PCSK2: variants seen among roughly 807,000 people sequenced by gnomAD.
PCSK2 encodes the protein proprotein convertase subtilisin/kexin type 2, also known as neuroendocrine convertase 2.
In PCSK2, 14 loss-of-function variants were observed where a neutral mutation model predicts 69.7. The observed-to-expected ratio is 0.20, with a 90% CI of 0.13 to 0.31. PCSK2 has a LOEUF of 0.31. PCSK2 is among the 10% of genes least tolerant of loss of function. PCSK2 has a pLI of 1.00. For missense variants in PCSK2, 544 were observed against 842.5 expected, an observed-to-expected ratio of 0.65 and a Z score of 4.39; for synonymous variants, 307 against 320.7, an observed-to-expected ratio of 0.96 and a Z score of 0.46.
chr20:17,285,549 A>T (rs1371578352), intron 2 of PCSK2, among the ~76,000 whole-genome samples: 2 of 152,182 alleles, frequency 1.3e-5, no homozygotes, highest in African/African-American at 4.8e-5. Context: ...CAAAACAACA[A>T]CCTCCTATAA....
At chr20:17,343,154 A>G (rs1014977761) in intron 2 of PCSK2, among the ~76,000 whole-genome samples, 4 of 152,208 alleles carry the variant, frequency 2.6e-5, no homozygotes, top group African/African-American at 9.6e-5. Flanking sequence ...CACTCTCTGT[A>G]TTGCATGAGA....
chr20:17,442,762 A>G (rs1027310396), intron 8 of PCSK2, among the ~76,000 whole-genome samples: 6 of 152,320 alleles, frequency 3.9e-5, no homozygotes, highest in African/African-American at 1.4e-4. Flanking sequence ...ATTGACGAAC[A>G]CTAAAAATAA....
intron 2 of PCSK2, among the ~76,000 whole-genome samples, chr20:17,291,098 A>G (rs914988427): frequency 4.6e-5 from 7 of 151,994 alleles, no homozygotes; most frequent in African/African-American, 7.3e-5. Flanking sequence ...TAGCAATAAT[A>G]TATTCACCTG....
rs148389755 is a variant in PCSK2, at chr20:17,472,359, G to A, written c.1430+6806G>A. On this transcript the variant is annotated intron_variant, in intron 11 of 11. Coordinates refer to ENST00000262545, the MANE Select transcript of PCSK2 (RefSeq NM_002594.5). ...TCGGCCCTGTGCCACCTGGGGGACT[G>A]TGGACCAGCACTCCCGAGCTGCAGA... 1.2e-3 allele frequency among the ~76,000 whole-genome samples: 176 copies of A among 152,344 alleles called. 1 individual carries two copies. Among genetic ancestry groups the A allele is most frequent in the African/African-American group, 4.1e-3 (169 of 41,578 alleles).
At chr20:17,363,195 A>C (rs1171239164) in intron 4 of PCSK2, among the ~76,000 whole-genome samples, 1 of 152,184 alleles carries the variant, frequency 6.6e-6, no homozygotes, top group African/African-American at 2.4e-5. Context: ...CAGAAGTTTA[A>C]ATTTGTGGAC....
chr20:17,349,030 C>T (rs1011370982), intron 2 of PCSK2, among the ~76,000 whole-genome samples: 4 of 152,124 alleles, frequency 2.6e-5, no homozygotes, highest in African/African-American at 7.2e-5. Context: ...ATGTGGTTGT[C>T]GGGGAAAATA....
chr20:17,256,193 A>G (rs1204750537), intron 1 of PCSK2, among the ~76,000 whole-genome samples: 1 of 152,018 alleles, frequency 6.6e-6, no homozygotes, highest in Non-Finnish European at 1.5e-5. Flanking sequence ...TAGCTCCAGA[A>G]TTTCTGTTTG....
intron 2 of PCSK2, among the ~76,000 whole-genome samples, chr20:17,276,232 A>G (rs1988070299): frequency 6.6e-6 from 1 of 152,154 alleles, no homozygotes; most frequent in Non-Finnish European, 1.5e-5. Flanking sequence ...TTAAAAATCA[A>G]ATGCAAGCCT....
chr20:17,417,982 C>G (rs988056914), intron 6 of PCSK2, among the ~76,000 whole-genome samples: 1 of 152,142 alleles, frequency 6.6e-6, no homozygotes, highest in East Asian at 1.9e-4. Context: ...AAAACTAGGA[C>G]TTCAGTTTGG....
chr20:17,453,131 G>A lies in PCSK2; in HGVS notation c.886-611G>A, dbSNP rs2032857639. Among the ~76,000 whole-genome samples the A allele has an allele frequency of 6.6e-6, 1 of 152,072 alleles. No individual in the cohort carries two copies. The highest frequency in any genetic ancestry group is 1.5e-5 in the Non-Finnish European group (1 of 68,002). Reference sequence around the variant, plus strand: ...TGAATAAAAAAGAATATATACATATGCACACACACGTAAGATTTTTATATA... The same window carrying A: ...TGAATAAAAAAGAATATATACATATACACACACACGTAAGATTTTTATATA... On this transcript the variant is annotated intron_variant, in intron 8 of 11. Transcript: ENST00000262545. This position sits in a 1 kb window ranked among gnomAD's most constrained non-coding sequence, Gnocchi z 4.0.
chr20:17,289,132 C>T (rs1271110748), intron 2 of PCSK2, among the ~76,000 whole-genome samples: 1 of 152,162 alleles, frequency 6.6e-6, no homozygotes, highest in African/African-American at 2.4e-5. Context: ...AATATCTTAT[C>T]ATTTTGGATA....
At chr20:17,442,023 A>G (rs1021502981) in intron 8 of PCSK2, among the ~76,000 whole-genome samples, 1 of 151,378 alleles carries the variant, frequency 6.6e-6, no homozygotes, top group East Asian at 1.9e-4. Flanking sequence ...AAGACAAAAA[A>G]AAAAAAAAAG....
At position 17,426,191 on chromosome 20, in the gene PCSK2, C is replaced by T. The variant is rs890665178; in HGVS notation, c.621-3244C>T. 4.6e-5 allele frequency among the ~76,000 whole-genome samples: 7 copies of T among 152,110 alleles called. 1 individual carries two copies. The highest frequency in any genetic ancestry group is 2.6e-4 in the Admixed American group (4 of 15,276). On this transcript the variant is annotated intron_variant, in intron 6 of 11. Coordinates refer to ENST00000262545, the MANE Select transcript of PCSK2 (RefSeq NM_002594.5). ...AATCATGGGGTCAGTTTCCCCCATGCGGTTCTCATGATAATGAGTGAGTCT... is the reference window on the plus strand; with the variant it reads ...AATCATGGGGTCAGTTTCCCCCATGTGGTTCTCATGATAATGAGTGAGTCT...
chr20:17,302,437 C>G (rs1292943525), intron 2 of PCSK2, among the ~76,000 whole-genome samples: 1 of 152,148 alleles, frequency 6.6e-6, no homozygotes, highest in Non-Finnish European at 1.5e-5. Context: ...TGTCCCATTC[C>G]TTGCCTCCAG....
At chr20:17,265,475 A>G (rs1180599529) in intron 2 of PCSK2, among the ~76,000 whole-genome samples, 1 of 152,244 alleles carries the variant, frequency 6.6e-6, no homozygotes, top group Non-Finnish European at 1.5e-5. Flanking sequence ...AAGGAAAAAA[A>G]TAAAGCATAT....
At chr20:17,371,626 T>C (rs1438384461) in intron 5 of PCSK2, among the ~76,000 whole-genome samples, 1 of 152,200 alleles carries the variant, frequency 6.6e-6, no homozygotes, top group South Asian at 2.1e-4. Flanking sequence ...CCATTCTTAT[T>C]ATTTTGACAT....
At chr20:17,435,201 T>A (rs2032459259) in intron 7 of PCSK2, among the ~76,000 whole-genome samples, 1 of 152,074 alleles carries the variant, frequency 6.6e-6, no homozygotes, top group Admixed American at 6.5e-5. Context: ...GGGGAGAAAA[T>A]CAACTAAATA....
intron 2 of PCSK2, among the ~76,000 whole-genome samples, chr20:17,327,740 G>C (rs1990105997): frequency 6.6e-6 from 1 of 152,156 alleles, no homozygotes; most frequent in African/African-American, 2.4e-5. Context: ...ACAAATTAAG[G>C]TATTTGCTGG....
In PCSK2 at chr20:17,318,973, T is replaced by C. The variant is rs370387406; in HGVS notation, c.283-39354T>C. 3.6e-4 allele frequency among the ~76,000 whole-genome samples: 55 copies of C among 152,314 alleles called. No individual in the cohort carries two copies. The South Asian group carries it at 0.01, about 28-fold the overall frequency. ...AGCCCCATCTTGTTATGTGTAATGC[T>C]CATTTCTGAGCCAGTGTTTGAAGAC... On this transcript the variant is annotated intron_variant, in intron 2 of 11. Transcript: ENST00000262545.
Sources: gnomAD v4.1 joint callset for allele counts (sites outside exome capture counted in the v4.1 genomes callset) on GRCh38, gnomAD v4.1.1 for gene constraint, Gnocchi (gnomAD v3.1) non-coding constraint, MANE v1.5 for transcripts, NCBI Gene and HGNC (gene_info 2026-07-23, HGNC 2026-07-21) for gene names.